TMEM244: variants seen among roughly 807,000 people sequenced by gnomAD.
The protein encoded by TMEM244 is transmembrane protein 244.
In TMEM244, 13 loss-of-function variants were observed where a neutral mutation model predicts 15.8. The observed-to-expected ratio is 0.82, with a 90% CI of 0.53 to 1.30. The LOEUF is 1.30. Among genes scored for constraint, TMEM244 ranks in the 50% most tolerant of loss-of-function variants. The pLI is 0.00. For missense variants in TMEM244, 161 were observed against 144.9 expected (o/e 1.11, Z -0.57); for synonymous variants, 45 against 48.7 (o/e 0.92, Z 0.32).
intron 1 of TMEM244, among the ~76,000 whole-genome samples, chr6:129,855,479 T>C (rs1776693255): frequency 6.6e-6 from 1 of 151,918 alleles, no homozygotes; most frequent in Non-Finnish European, 1.5e-5. Context: ...AACAACGACA[T>C]TCTCCTATAA....
intron 4 of TMEM244, among the ~76,000 whole-genome samples, chr6:129,832,530 TA>T (rs886543893): frequency 9.2e-5 from 14 of 151,708 alleles, no homozygotes; most frequent in East Asian, 3.9e-4. Context: ...TGACATGCTT[TA>T]AAAAAAAATT....
intron 1 of TMEM244, among the ~76,000 whole-genome samples, chr6:129,853,930 C>T (rs534578719): frequency 1.3e-5 from 2 of 152,182 alleles, no homozygotes; most frequent in Non-Finnish European, 1.5e-5. Context: ...TAATTCAAAA[C>T]GGGAAAGCTC....
chr6:129,833,866 A>G (rs1776364642), intron 3 of TMEM244, among the ~76,000 whole-genome samples: 1 of 152,216 alleles, frequency 6.6e-6, no homozygotes, highest in Admixed American at 6.5e-5. Flanking sequence ...AAGTGTTACA[A>G]TATAACCAAT....
intron 1 of TMEM244, among the ~76,000 whole-genome samples, chr6:129,856,281 T>C (rs2114646993): frequency 6.6e-6 from 1 of 152,268 alleles, no homozygotes; most frequent in Middle Eastern, 3.4e-3. Flanking sequence ...GATACTGTCT[T>C]TTTCATTACT....
intron 1 of TMEM244, among the ~76,000 whole-genome samples, chr6:129,858,209 G>A (rs1196079596): frequency 1.3e-5 from 2 of 152,100 alleles, no homozygotes; most frequent in South Asian, 4.2e-4. Flanking sequence ...TATGGTTTAG[G>A]TGACAACATA....
chr6:129,845,665 C>T (rs1776551362), intron 2 of TMEM244, 102 bp downstream of exon 2: 2 of 895,576 alleles, frequency 2.2e-6, no homozygotes, highest in African/African-American at 3.4e-5. Flanking sequence ...TAAAAAAATC[C>T]ACATCCTCTA....
Position 129,831,271 on chromosome 6 carries a change from T to C in TMEM244, c.*48A>G. ...GTAAAATCTATGAGAAAATAAAATA[T>C]ATTTCCACAGTTATTCTATTTAACA... On this transcript the variant is annotated 3_prime_UTR_variant, in exon 5 of 5. Coordinates refer to ENST00000368143, the MANE Select transcript of TMEM244 (RefSeq NM_001010876.2). 1.9e-6 allele frequency: 2 copies of C among 1,049,990 alleles called. No individual in the cohort carries two copies. The highest frequency in any genetic ancestry group is 2.9e-6 in the Non-Finnish European group (2 of 686,018). 65.0% of individuals were successfully genotyped at this position (1,049,990 alleles called of 1,614,324 possible).
chr6:129,843,481 G>T (rs1268198101), intron 3 of TMEM244, 49 bp downstream of exon 3: 3 of 1,318,374 alleles, frequency 2.3e-6, no homozygotes, highest in Admixed American at 1.8e-5. Context: ...TATGGGGTTA[G>T]TGGCATTTAG....
At chr6:129,848,023 G>A (rs541535105) in intron 1 of TMEM244, among the ~76,000 whole-genome samples, 2 of 151,960 alleles carry the variant, frequency 1.3e-5, no homozygotes, top group South Asian at 4.2e-4. Flanking sequence ...ATCCGCCTGC[G>A]TCAGCCTCAG....
chr6:129,845,650 G>A, intron 2 of TMEM244, 117 bp downstream of exon 2: 2 of 800,450 alleles, frequency 2.5e-6, no homozygotes, highest in Non-Finnish European at 4.1e-6. Flanking sequence ...AAGAAACTAT[G>A]TCTTTAAAAA....
intron 1 of TMEM244, among the ~76,000 whole-genome samples, chr6:129,855,614 A>G (rs1392182696): frequency 6.6e-6 from 1 of 152,210 alleles, no homozygotes; most frequent in Non-Finnish European, 1.5e-5. Flanking sequence ...TCATATTTTC[A>G]CATGTTACAT....
Position 129,844,384 on chromosome 6 carries a change from A to G in TMEM244, c.120-781T>C, listed in dbSNP as rs573226418. On this transcript the variant is annotated intron_variant, in intron 2 of 4. Coordinates refer to ENST00000368143, the MANE Select transcript of TMEM244 (RefSeq NM_001010876.2). Reference sequence around the variant, plus strand: ...AGACAGCGCAGGCTTGAAAAACAACAAGATACAGGTTCTAATCCTGGTGGT... The same window carrying G: ...AGACAGCGCAGGCTTGAAAAACAACGAGATACAGGTTCTAATCCTGGTGGT... 2.6e-5 allele frequency among the ~76,000 whole-genome samples: 4 copies of G among 152,316 alleles called. No individual in the cohort carries two copies. In the South Asian group the frequency reaches 6.2e-4, roughly 24 times the overall value.
At chr6:129,839,054 G>C (rs537864115) in intron 3 of TMEM244, among the ~76,000 whole-genome samples, 1 of 152,266 alleles carries the variant, frequency 6.6e-6, no homozygotes, top group South Asian at 2.1e-4. Flanking sequence ...ATAGAAAAGA[G>C]AGAATCCTCC....
chr6:129,832,893 C>T (rs1166869942), intron 4 of TMEM244, among the ~76,000 whole-genome samples: 1 of 152,124 alleles, frequency 6.6e-6, no homozygotes, highest in Non-Finnish European at 1.5e-5. Context: ...GTGCATCCCC[C>T]GAGTCTTTGA....
At chr6:129,856,484 A>G (rs1441528840) in intron 1 of TMEM244, among the ~76,000 whole-genome samples, 1 of 152,154 alleles carries the variant, frequency 6.6e-6, no homozygotes, top group Non-Finnish European at 1.5e-5. Flanking sequence ...CACACAGGAA[A>G]CTATCAAAGA....
At chr6:129,848,650 A>G (rs1184105147) in intron 1 of TMEM244, among the ~76,000 whole-genome samples, 1 of 152,178 alleles carries the variant, frequency 6.6e-6, no homozygotes, top group East Asian at 1.9e-4. Context: ...GCATACATCA[A>G]CTGGTTCAAA....
At chr6:129,850,674 G>T (rs1302315668) in intron 1 of TMEM244, among the ~76,000 whole-genome samples, 3 of 152,120 alleles carry the variant, frequency 2.0e-5, no homozygotes, top group Non-Finnish European at 4.4e-5. Context: ...AATTTTGAAA[G>T]AGTAAAATTA....
chr6:129,844,909 T>C (rs1776541923), intron 2 of TMEM244, among the ~76,000 whole-genome samples: 1 of 152,216 alleles, frequency 6.6e-6, no homozygotes, highest in Non-Finnish European at 1.5e-5. Flanking sequence ...GCTTGCACAA[T>C]AAAATTAAAT....
At chr6:129,833,991 T>G (rs1213776235) in intron 3 of TMEM244, among the ~76,000 whole-genome samples, 2 of 151,954 alleles carry the variant, frequency 1.3e-5, no homozygotes, top group Non-Finnish European at 2.9e-5. Flanking sequence ...AATGTAAGAG[T>G]TTATTGAACT....
Sources: allele counts gnomAD v4.1 joint callset (sites outside exome capture counted in the v4.1 genomes callset), GRCh38; gene constraint gnomAD v4.1.1; transcripts MANE v1.5; gene names NCBI Gene and HGNC (gene_info 2026-07-23, HGNC 2026-07-21).